The following RAMP1 variants were observed in gnomAD, a reference collection of about 807,000 sequenced individuals.
The protein encoded by RAMP1 is receptor activity-modifying protein 1.
RAMP1 carries 7 observed loss-of-function variants against 8.2 expected under a neutral mutation model. The observed-to-expected ratio is 0.85, with a 90% CI of 0.49 to 1.60. The LOEUF (loss-of-function observed/expected upper bound fraction) is 1.60, where lower values mean the gene tolerates loss of function less well. RAMP1 is among the 40% of genes most tolerant of loss of function. The pLI, the probability that RAMP1 is intolerant of heterozygous loss-of-function variation, is 0.00. For missense variants in RAMP1, 192 were observed against 202.4 expected, an observed-to-expected ratio of 0.95 and a Z score of 0.31; for synonymous variants, 92 against 84.7, an observed-to-expected ratio of 1.09 and a Z score of -0.47.
chr2:237,893,349 T>C lies in RAMP1; in HGVS notation c.191+15987T>C, dbSNP rs932079535. ...AACATTTTGTGAGAACTTGTTTTGC[T>C]GATGGCCTCGTTAAGCCTGCAGAAG... On this transcript the variant is annotated intron_variant, in intron 2 of 2. Transcript: ENST00000254661. 7.2e-5 allele frequency among the ~76,000 whole-genome samples: 11 copies of C among 152,364 alleles called. No homozygotes were observed. In the South Asian group the frequency reaches 8.3e-4, roughly 11 times the overall value.
chr2:237,876,465 G>A (rs929872514), intron 1 of RAMP1, among the ~76,000 whole-genome samples: 2 of 152,098 alleles, frequency 1.3e-5, no homozygotes, highest in Non-Finnish European at 2.9e-5. Context: ...CAGAGGATGT[G>A]GCCTGGGGGG....
At chr2:237,890,061 G>GT in intron 2 of RAMP1, among the ~76,000 whole-genome samples, 1 of 152,332 alleles carries the variant, frequency 6.6e-6, no homozygotes, top group Admixed American at 6.5e-5. Context: ...GGCCTCCCCA[G>GT]TAAAATGGGT....
Position 237,885,389 on chromosome 2 carries a change from G to A in RAMP1, c.191+8027G>A, listed in dbSNP as rs570411710. ...CCCACCCACCTCCCTGAGGCCTGTC[G>A]TGAGCATCAGGAGCTCCCAGTACAG... On this transcript the variant is annotated intron_variant, in intron 2 of 2. Coordinates refer to ENST00000254661, the MANE Select transcript of RAMP1 (RefSeq NM_005855.4). Among the ~76,000 whole-genome samples, 12 of 152,296 alleles carry A rather than the reference G, an allele frequency of 7.9e-5. No homozygotes were observed. The East Asian group carries it at 1.7e-3, about 22-fold the overall frequency.
Position 237,880,952 on chromosome 2 carries a change from C to T in RAMP1, c.191+3590C>T, listed in dbSNP as rs375555066. On this transcript the variant is annotated intron_variant, in intron 2 of 2. Coordinates refer to ENST00000254661, the MANE Select transcript of RAMP1 (RefSeq NM_005855.4). Reference sequence around the variant, plus strand: ...CTGGTTCCAGGGGCAGAGGTCTCTGCGCAAAGGTGTGTTCAGACAACTGGC... The same window carrying T: ...CTGGTTCCAGGGGCAGAGGTCTCTGTGCAAAGGTGTGTTCAGACAACTGGC... Among the ~76,000 whole-genome samples the T allele has an allele frequency of 1.6e-4, 24 of 152,312 alleles. No individual in the cohort carries two copies. The East Asian group carries it at 1.9e-3, about 12-fold the overall frequency.
intron 1 of RAMP1, among the ~76,000 whole-genome samples, chr2:237,866,269 T>C (rs1186240009): frequency 6.6e-6 from 1 of 152,148 alleles, no homozygotes; most frequent in Non-Finnish European, 1.5e-5. Context: ...CCCCATTTTA[T>C]TTTCTAGCTG....
Position 237,877,484 on chromosome 2 carries a change from C to G in RAMP1, c.191+122C>G. On this transcript the variant is annotated intron_variant, in intron 2 of 2. Transcript: ENST00000254661. This position sits in a 1 kb window ranked among gnomAD's most constrained non-coding sequence, Gnocchi z 4.4. ...TTCTAGACCCCGGAAGGGTTCTTCCCCCAGTGGGGGGGGCCGGGATGAAGA... is the reference window on the plus strand; with the variant it reads ...TTCTAGACCCCGGAAGGGTTCTTCCGCCAGTGGGGGGGGCCGGGATGAAGA... 7.4e-7 allele frequency: 1 copy of G among 1,352,088 alleles called. No homozygotes were observed. The highest frequency in any genetic ancestry group is 9.9e-7 in the Non-Finnish European group (1 of 1,011,558). 83.8% of individuals were successfully genotyped at this position (1,352,088 alleles called of 1,614,324 possible). A position where few individuals can be genotyped will look rare whatever the true frequency, so the allele number is the denominator to read the frequency against.
At chr2:237,874,857 T>C (rs1285343214) in intron 1 of RAMP1, among the ~76,000 whole-genome samples, 1 of 151,822 alleles carries the variant, frequency 6.6e-6, no homozygotes, top group Non-Finnish European at 1.5e-5. Context: ...TGAGTGAGGC[T>C]CTGAGGAAAT....
intron 2 of RAMP1, among the ~76,000 whole-genome samples, chr2:237,902,474 G>A (rs187183798): frequency 1.1e-4 from 16 of 151,850 alleles, no homozygotes; most frequent in Non-Finnish European, 1.9e-4. Flanking sequence ...CAGAGGGGGT[G>A]GGGGGAACAC....
rs1265523919 is a variant in RAMP1 at position 237,877,591 on chromosome 2, G to A, written c.191+229G>A. On this transcript the variant is annotated intron_variant, in intron 2 of 2. Coordinates refer to ENST00000254661, the MANE Select transcript of RAMP1 (RefSeq NM_005855.4). The surrounding 1 kb of genome is among the most constrained non-coding windows in gnomAD (Gnocchi z 4.4). ...GTCCTCAATAATCTGGTCTGGGGAT[G>A]GAGGGTTCAGACTGGGCCATGTCCA... Among the ~76,000 whole-genome samples the A allele has an allele frequency of 6.6e-6, 1 of 152,178 alleles. No individual in the cohort carries two copies. Among genetic ancestry groups the A allele is most frequent in the Non-Finnish European group, 1.5e-5 (1 of 68,004 alleles).
intron 2 of RAMP1, among the ~76,000 whole-genome samples, chr2:237,903,525 T>A (rs2062626386): frequency 6.7e-6 from 1 of 150,080 alleles, no homozygotes; most frequent in Non-Finnish European, 1.5e-5. Context: ...CAGCATTATT[T>A]TCTTTTTTTT....
chr2:237,883,652 C>T (rs2062396003), intron 2 of RAMP1, among the ~76,000 whole-genome samples: 2 of 151,844 alleles, frequency 1.3e-5, no homozygotes, highest in South Asian at 2.1e-4. Context: ...TCCATCTCTA[C>T]AAAAATTTTA....
chr2:237,875,532 T>C (rs975062380), intron 1 of RAMP1, among the ~76,000 whole-genome samples: 2 of 152,120 alleles, frequency 1.3e-5, no homozygotes, highest in African/African-American at 4.8e-5. Flanking sequence ...TCTGTCTCGC[T>C]TGCTAGCAGG....
At chr2:237,870,274 T>C (rs2062231832) in intron 1 of RAMP1, among the ~76,000 whole-genome samples, 1 of 152,170 alleles carries the variant, frequency 6.6e-6, no homozygotes, top group African/African-American at 2.4e-5. Flanking sequence ...GAGGGCCTGG[T>C]GACCCTGGGC....
intron 1 of RAMP1, among the ~76,000 whole-genome samples, chr2:237,876,164 C>T (rs1576539370): frequency 6.6e-6 from 1 of 152,166 alleles, no homozygotes. Flanking sequence ...AGGGGCCCCT[C>T]GAGCTCACAC....
chr2:237,907,553 C>CAT (rs3054475), intron 2 of RAMP1, among the ~76,000 whole-genome samples: 76,152 of 151,658 alleles, frequency 0.5, 19,687 homozygotes, highest in East Asian at 0.69. Context: ...TTTCTACTGA[C>CAT]ATCTTCAATT....
At chr2:237,883,090 A>G (rs1204289769) in intron 2 of RAMP1, among the ~76,000 whole-genome samples, 2 of 152,050 alleles carry the variant, frequency 1.3e-5, no homozygotes, top group African/African-American at 4.8e-5. Flanking sequence ...CCAGGCAATT[A>G]TTGGGGTCTG....
At chr2:237,860,741 C>G (rs915762332) in intron 1 of RAMP1, among the ~76,000 whole-genome samples, 1 of 152,288 alleles carries the variant, frequency 6.6e-6, no homozygotes, top group Admixed American at 6.5e-5. Flanking sequence ...CGCACAAGAC[C>G]TCTTTGGCGC....
intron 1 of RAMP1, among the ~76,000 whole-genome samples, chr2:237,868,071 T>C (rs369621244): frequency 6.8e-6 from 1 of 146,694 alleles, no homozygotes; most frequent in African/African-American, 2.6e-5. Flanking sequence ...TTGGATGGAG[T>C]CTTGCTCTGT....
intron 2 of RAMP1, among the ~76,000 whole-genome samples, chr2:237,881,993 TCCTCTAG>T (rs59028688): frequency 0.12 from 18,215 of 152,148 alleles, 1,294 homozygotes; most frequent in African/African-American, 0.21. Flanking sequence ...TGCCACGTTT[TCCTCTAG>T]CCTGTGTGGT....
Sources: allele counts gnomAD v4.1 joint callset (sites outside exome capture counted in the v4.1 genomes callset), GRCh38; gene constraint gnomAD v4.1.1; non-coding constraint Gnocchi (gnomAD v3.1); transcripts MANE v1.5; gene names NCBI Gene and HGNC (gene_info 2026-07-23, HGNC 2026-07-21).